The following ASIC2 variants were observed in gnomAD, a reference collection of about 807,000 sequenced individuals.
ASIC2 encodes the protein acid sensing ion channel subunit 2, also known as acid-sensing ion channel 2.
In ASIC2, 25 loss-of-function variants were observed where a neutral mutation model predicts 57.3. The ratio of observed to expected loss-of-function variants is 0.44; its 90% CI spans 0.32 to 0.61. ASIC2 has a LOEUF of 0.61. Among genes scored for constraint, ASIC2 ranks in the 20% least tolerant of loss-of-function variants. ASIC2 has a pLI of 0.06. For missense variants in ASIC2, 641 were observed against 738.1 expected (o/e 0.87, Z 1.52); for synonymous variants, 319 against 307.5 (o/e 1.04, Z -0.39).
intron 1 of ASIC2, among the ~76,000 whole-genome samples, chr17:33,818,949 G>A (rs1912668530): frequency 6.6e-6 from 1 of 152,228 alleles, no homozygotes. Context: ...TAGGAGATGA[G>A]CAGTCTCAGG....
At chr17:34,068,085 G>A (rs951888299) in intron 1 of ASIC2, among the ~76,000 whole-genome samples, 1 of 152,070 alleles carries the variant, frequency 6.6e-6, no homozygotes, top group Non-Finnish European at 1.5e-5. Flanking sequence ...CCAAGAAGTG[G>A]AGGCATTAGT....
intron 1 of ASIC2, among the ~76,000 whole-genome samples, chr17:33,281,801 C>G (rs1023107924): frequency 6.6e-6 from 1 of 152,142 alleles, no homozygotes; most frequent in Non-Finnish European, 1.5e-5. Context: ...AATATGAGGG[C>G]ATGAACCAAA....
intron 1 of ASIC2, among the ~76,000 whole-genome samples, chr17:34,055,912 T>C (rs1469340387): frequency 6.6e-6 from 1 of 152,170 alleles, no homozygotes; most frequent in Non-Finnish European, 1.5e-5. Context: ...TTTACACGTT[T>C]TTAAGCATTG....
chr17:33,859,762 G>T (rs1914057406), intron 1 of ASIC2, among the ~76,000 whole-genome samples: 1 of 152,180 alleles, frequency 6.6e-6, no homozygotes, highest in African/African-American at 2.4e-5. Context: ...CTCACTGCAT[G>T]CAGTCTTGAA....
chr17:34,107,085 ATATT>A (rs1911089726), intron 1 of ASIC2, among the ~76,000 whole-genome samples: 1 of 152,176 alleles, frequency 6.6e-6, no homozygotes, highest in Non-Finnish European at 1.5e-5. Flanking sequence ...ATATATGTAC[ATATT>A]TAGAGATATC....
At chr17:33,559,723 A>C (rs150145781) in intron 1 of ASIC2, among the ~76,000 whole-genome samples, 116 of 152,270 alleles carry the variant, frequency 7.6e-4, no homozygotes, top group African/African-American at 2.7e-3. Flanking sequence ...AAGATTATTC[A>C]ATGACCCCTT....
At chr17:33,932,741 A>AAAAAAAATATATATATATATATAT (rs1555572867) in intron 1 of ASIC2, 1 of 58,704 alleles carries the variant, frequency 1.7e-5, no homozygotes, top group Non-Finnish European at 3.1e-5. Flanking sequence ...AAAAAAAAAA[A>AAAAAAAATATATATATATATATAT]ATATATATAT....
At chr17:33,626,602 G>C (rs1597812177) in intron 1 of ASIC2, among the ~76,000 whole-genome samples, 1 of 152,194 alleles carries the variant, frequency 6.6e-6, no homozygotes, top group African/African-American at 2.4e-5. Context: ...TGATAACGGT[G>C]TCAGGGGAGG....
At chr17:33,623,236 GTT>G (rs770813988) in intron 1 of ASIC2, among the ~76,000 whole-genome samples, 3,498 of 129,260 alleles carry the variant, frequency 0.027, 113 homozygotes, top group African/African-American at 0.095. Context: ...TTGTGATATC[GTT>G]TTTTTTTGTT....
At chr17:33,196,317 CGAT>C (rs142802377) in intron 1 of ASIC2, among the ~76,000 whole-genome samples, 28,649 of 150,982 alleles carry the variant, frequency 0.19, 4,447 homozygotes, top group African/African-American at 0.43. Context: ...ATGATGATGA[CGAT>C]GATGATGATG....
At chr17:34,083,122 C>G (rs911646197) in intron 1 of ASIC2, among the ~76,000 whole-genome samples, 1 of 151,450 alleles carries the variant, frequency 6.6e-6, no homozygotes, top group Non-Finnish European at 1.5e-5. Context: ...ACTGCACCCA[C>G]TAACTCGTCA....
chr17:33,574,417 G>C (rs777880792), intron 1 of ASIC2, among the ~76,000 whole-genome samples: 1 of 152,124 alleles, frequency 6.6e-6, no homozygotes, highest in Non-Finnish European at 1.5e-5. Context: ...ATTTATAGCA[G>C]GGTTTCTTAG....
intron 1 of ASIC2, among the ~76,000 whole-genome samples, chr17:33,220,675 T>C (rs1289684319): frequency 6.6e-6 from 1 of 152,178 alleles, no homozygotes; most frequent in East Asian, 1.9e-4. Context: ...GGTCAATACA[T>C]GTTATTGATC....
intron 1 of ASIC2, among the ~76,000 whole-genome samples, chr17:33,204,411 G>C (rs959510020): frequency 4.6e-5 from 7 of 152,160 alleles, no homozygotes; most frequent in Admixed American, 4.6e-4. Flanking sequence ...ATCAGCTGCT[G>C]CCACCCCCGG....
At chr17:33,904,653 G>A (rs1453180052) in intron 1 of ASIC2, among the ~76,000 whole-genome samples, 2 of 152,190 alleles carry the variant, frequency 1.3e-5, no homozygotes, top group Non-Finnish European at 2.9e-5. Context: ...CCACAGATAA[G>A]TGCTGCCTTT....
rs2142184164 is a variant in ASIC2, at chr17:33,292,475, C to T, written c.-360G>A. 1 of 985,670 alleles carries T rather than the reference C, an allele frequency of 1.0e-6. No homozygotes were observed. The highest frequency in any genetic ancestry group is 4.7e-5 in the South Asian group (1 of 21,290). The allele number at this position is 985,670 out of a possible 1,614,324, so 61.1% of individuals were successfully genotyped here. A position where few individuals can be genotyped will look rare whatever the true frequency, so the allele number is the denominator to read the frequency against. On this transcript the variant is annotated 5_prime_UTR_variant, in exon 1 of 10. Coordinates refer to ENST00000225823, the MANE Select transcript of ASIC2 (RefSeq NM_183377.2). ...GCCTCTCCAGTCCCTGGGTGCTGCG[C>T]CCGCCTTCCCTCGTCCTGGACCTCG...
intron 1 of ASIC2, among the ~76,000 whole-genome samples, chr17:33,655,897 G>C (rs1435895930): frequency 6.6e-6 from 1 of 152,072 alleles, no homozygotes; most frequent in Non-Finnish European, 1.5e-5. Flanking sequence ...TCTCAAGTTG[G>C]GTTGGAGATT....
At chr17:33,262,448 A>G (rs1326211438) in intron 1 of ASIC2, among the ~76,000 whole-genome samples, 3 of 151,660 alleles carry the variant, frequency 2.0e-5, no homozygotes, top group Non-Finnish European at 2.9e-5. Context: ...GGAGGAAGGG[A>G]AGGAGGGAGG....
At position 34,065,668 on chromosome 17, in the gene ASIC2, T is replaced by C. The variant is rs554636623; in HGVS notation, c.555+90310A>G. Among the ~76,000 whole-genome samples the C allele has an allele frequency of 9.9e-5, 15 of 152,208 alleles. No individual in the cohort carries two copies. In the South Asian group the frequency reaches 2.3e-3, roughly 23 times the overall value. On this transcript the variant is annotated intron_variant, in intron 1 of 9. Coordinates refer to the ASIC2 transcript ENST00000359872. Reference sequence around the variant, plus strand: ...CCAGGGCAAACTTTCACAACTAGAATGCTGAAAGGAAGGAAGGTTTTGCCT... The same window carrying C: ...CCAGGGCAAACTTTCACAACTAGAACGCTGAAAGGAAGGAAGGTTTTGCCT...
Sources: gnomAD v4.1 joint callset for allele counts (sites outside exome capture counted in the v4.1 genomes callset) on GRCh38, gnomAD v4.1.1 for gene constraint, MANE v1.5 for transcripts, NCBI Gene and HGNC (gene_info 2026-07-23, HGNC 2026-07-21) for gene names.